The following GALNTL6 variants were observed in gnomAD, a reference collection of about 807,000 sequenced individuals.
GALNTL6 encodes the protein polypeptide N-acetylgalactosaminyltransferase like 6, also known as polypeptide N-acetylgalactosaminyltransferase-like 6.
Under a neutral mutation model 73.7 loss-of-function variants are expected in GALNTL6, and 46 were observed. The ratio of observed to expected loss-of-function variants is 0.62; its 90% CI spans 0.49 to 0.80. The LOEUF is 0.80. Among genes scored for constraint, GALNTL6 ranks in the 30% least tolerant of loss-of-function variants. GALNTL6 has a pLI of 0.00. For synonymous variants in GALNTL6, 259 were observed against 263.7 expected (o/e 0.98, Z 0.17); for missense variants, 604 against 755.0 (o/e 0.80, Z 2.34).
Position 172,300,510 on chromosome 4 carries a change from G to A in GALNTL6, c.248-11104G>A, listed in dbSNP as rs546797230. ...GCATGTTTTTGCAGTGGCTGGTACC[G>A]GTTGTTCCTTTCCATGTTTAGTGCT... On this transcript the variant is annotated intron_variant, in intron 3 of 12. Transcript: ENST00000506823. Among the ~76,000 whole-genome samples the A allele has an allele frequency of 1.6e-3, 251 of 152,214 alleles. 2 individuals carry two copies. The highest frequency in any genetic ancestry group is 4.2e-3 in the African/African-American group (173 of 41,532).
chr4:172,072,985 C>A (rs1166316847), intron 2 of GALNTL6, among the ~76,000 whole-genome samples: 1 of 152,160 alleles, frequency 6.6e-6, no homozygotes, highest in African/African-American at 2.4e-5. Flanking sequence ...CTTATACCTG[C>A]CTAATTCTCA....
At chr4:173,017,919 G>T (rs539560021) in intron 11 of GALNTL6, among the ~76,000 whole-genome samples, 2 of 152,284 alleles carry the variant, frequency 1.3e-5, no homozygotes, top group South Asian at 4.1e-4. Flanking sequence ...GTATGAAAAG[G>T]CCATCTACCA....
chr4:172,892,290 A>G (rs1337208096), intron 8 of GALNTL6, among the ~76,000 whole-genome samples: 1 of 152,058 alleles, frequency 6.6e-6, no homozygotes. Context: ...AAATTGCTCT[A>G]CTATGGATGA....
intron 5 of GALNTL6, among the ~76,000 whole-genome samples, chr4:172,753,949 A>G (rs577639965): frequency 1.3e-5 from 2 of 152,286 alleles, no homozygotes; most frequent in East Asian, 3.9e-4. Context: ...AGATAGGTAT[A>G]GGAGAGAGGA....
At chr4:172,160,236 C>G (rs1208869128) in intron 2 of GALNTL6, among the ~76,000 whole-genome samples, 1 of 151,768 alleles carries the variant, frequency 6.6e-6, no homozygotes, top group Non-Finnish European at 1.5e-5. Context: ...ATGTTGTTAA[C>G]TCCTGCATGA....
intron 2 of GALNTL6, among the ~76,000 whole-genome samples, chr4:172,141,448 A>C (rs1229091140): frequency 6.6e-6 from 1 of 152,058 alleles, no homozygotes; most frequent in African/African-American, 2.4e-5. Flanking sequence ...AATTCAGACA[A>C]AAGTTTAGTT....
intron 2 of GALNTL6, among the ~76,000 whole-genome samples, chr4:171,942,809 G>C (rs986075903): frequency 6.6e-6 from 1 of 152,188 alleles, no homozygotes; most frequent in African/African-American, 2.4e-5. Flanking sequence ...CCAAGTGTCT[G>C]ATGTGATGGT....
chr4:172,767,667 C>CTTT (rs1553986523), intron 5 of GALNTL6, among the ~76,000 whole-genome samples: 5,635 of 118,098 alleles, frequency 0.048, 391 homozygotes, highest in Non-Finnish European at 0.072. Flanking sequence ...GATTTTTTTT[C>CTTT]TTTTTTTTTT....
Position 172,952,208 on chromosome 4 carries a change from G to A in GALNTL6, c.1321G>A (p.Val441Met), listed in dbSNP as rs766704424. 1.2e-5 allele frequency: 19 copies of A among 1,614,048 alleles called. 1 individual carries two copies. The South Asian group carries it at 1.8e-4, about 15-fold the overall frequency. Residue 441 changes from valine (V) to methionine (M), a missense_variant, in exon 10 of 13, where the codon GTG (valine) becomes ATG (methionine). By Grantham distance (21) the Val-to-Met change is conservative. Coordinates refer to ENST00000506823, the MANE Select transcript of GALNTL6 (RefSeq NM_001034845.3). The stretch of plus-strand genomic sequence containing the variant: ...GTTCATGGCTGCTGTGGCCTGGGAC[G>A]TGCCTAAATACTACCCTCCAGTGGA... ...KWFMAAVAWD[V>M]PKYYPPVEPP...
chr4:172,920,339 G>A (rs1032052083), intron 8 of GALNTL6, among the ~76,000 whole-genome samples: 2 of 152,166 alleles, frequency 1.3e-5, no homozygotes, highest in African/African-American at 4.8e-5. Flanking sequence ...CTTTGTGGAA[G>A]TGTATCTTCC....
chr4:172,503,901 T>C (rs1429117899), intron 5 of GALNTL6, among the ~76,000 whole-genome samples: 2 of 8,664 alleles, frequency 2.3e-4, no homozygotes, highest in Non-Finnish European at 6.9e-4. Flanking sequence ...CCTGTAATCC[T>C]AGCCCATTGG....
chr4:172,177,826 T>TACACATGTGTATATATAC (rs1560955675), intron 2 of GALNTL6, among the ~76,000 whole-genome samples: 1 of 143,784 alleles, frequency 7.0e-6, no homozygotes, highest in South Asian at 2.1e-4. Flanking sequence ...TGTGTATATA[T>TACACATGTGTATATATAC]ACACACACAT....
intron 5 of GALNTL6, among the ~76,000 whole-genome samples, chr4:172,434,943 T>C (rs1731582283): frequency 6.6e-6 from 1 of 152,142 alleles, no homozygotes; most frequent in Non-Finnish European, 1.5e-5. Flanking sequence ...GCATTAAGTA[T>C]TCATTATAGC....
intron 5 of GALNTL6, among the ~76,000 whole-genome samples, chr4:172,734,357 GGGGAAAATATCTCCA>G (rs903922774): frequency 9.2e-5 from 14 of 152,158 alleles, no homozygotes; most frequent in African/African-American, 3.1e-4. Context: ...CCAAGACAAT[GGGGAAAATATCTCCA>G]GGGCATGTCA....
chr4:172,436,002 A>G (rs2111391706), intron 5 of GALNTL6, among the ~76,000 whole-genome samples: 2 of 40,568 alleles, frequency 4.9e-5, no homozygotes, highest in South Asian at 2.0e-3. Flanking sequence ...TCAATACCTT[A>G]GCATCACACT....
intron 2 of GALNTL6, among the ~76,000 whole-genome samples, chr4:172,193,817 C>T (rs948229446): frequency 1.3e-5 from 2 of 152,016 alleles, no homozygotes; most frequent in Non-Finnish European, 2.9e-5. Flanking sequence ...GAGCTGAGAT[C>T]GGGCCACTCA....
chr4:173,028,670 C>G (rs573507475), intron 12 of GALNTL6, among the ~76,000 whole-genome samples: 33 of 152,154 alleles, frequency 2.2e-4, no homozygotes, highest in Non-Finnish European at 4.1e-4. Context: ...ACCACTAGTT[C>G]AATTATTGAT....
Position 172,312,742 on chromosome 4 carries a change from A to G in GALNTL6, c.386+990A>G, listed in dbSNP as rs556370399. On this transcript the variant is annotated intron_variant, in intron 4 of 12. Transcript: ENST00000506823. ...ACCCTTTAGAAAAAAATATCAGTAC[A>G]TTATGGTTTGAAGGACTATTTTCTA... Among the ~76,000 whole-genome samples the G allele has an allele frequency of 2.4e-3, 373 of 152,310 alleles. 3 individuals are homozygous for G. Among genetic ancestry groups the G allele is most frequent in the Non-Finnish European group, 3.7e-3 (254 of 68,014 alleles).
chr4:172,761,162 C>T (rs1738061230), intron 5 of GALNTL6, among the ~76,000 whole-genome samples: 1 of 151,734 alleles, frequency 6.6e-6, no homozygotes, highest in Non-Finnish European at 1.5e-5. Context: ...ACTTGCCTTT[C>T]AGGAAAAAAA....
Sources: allele counts gnomAD v4.1 joint callset (sites outside exome capture counted in the v4.1 genomes callset), GRCh38; gene constraint gnomAD v4.1.1; transcripts MANE v1.5; gene names NCBI Gene and HGNC (gene_info 2026-07-23, HGNC 2026-07-21).